Variants in PRKN observed in about 807,000 individuals in gnomAD.
PRKN encodes the protein parkin RBR E3 ubiquitin protein ligase.
In PRKN, 56 loss-of-function variants were observed where a neutral mutation model predicts 59.5. The ratio of observed to expected loss-of-function variants is 0.94; its 90% CI spans 0.76 to 1.18. The LOEUF is 1.18. PRKN is among the 50% of genes most tolerant of loss of function. The pLI is 0.00. For synonymous variants in PRKN, 250 were observed against 222.1 expected, an observed-to-expected ratio of 1.13 and a Z score of -1.12; for missense variants, 657 against 596.4, an observed-to-expected ratio of 1.10 and a Z score of -1.06.
intron 1 of PRKN, among the ~76,000 whole-genome samples, chr6:162,710,848 A>G (rs549489160): frequency 2.6e-5 from 4 of 152,210 alleles, no homozygotes; most frequent in Non-Finnish European, 4.4e-5. Context: ...TTTCAGGTGA[A>G]TCTCCCTAAA....
chr6:161,631,823 T>C (rs145651670), intron 7 of PRKN, among the ~76,000 whole-genome samples: 1 of 152,052 alleles, frequency 6.6e-6, no homozygotes, highest in Non-Finnish European at 1.5e-5. Flanking sequence ...TCAGGGCTTT[T>C]TATTCATTGG....
At chr6:161,987,122 A>G (rs188484039) in intron 5 of PRKN, among the ~76,000 whole-genome samples, 9 of 152,378 alleles carry the variant, frequency 5.9e-5, no homozygotes, top group Admixed American at 3.3e-4. Context: ...GGGCAAAGGC[A>G]AGTGCTTAAC....
At chr6:162,429,061 T>C (rs1204479995) in intron 2 of PRKN, among the ~76,000 whole-genome samples, 1 of 152,232 alleles carries the variant, frequency 6.6e-6, no homozygotes, top group African/African-American at 2.4e-5. Context: ...TTACCATTTT[T>C]ATTGCTTTAC....
In PRKN at chr6:161,943,899, T is replaced by A. The variant is rs73024576; in HGVS notation, c.734+29403A>T. ...GCAGCCTGAGGGATTGGCCTGAGGA[T>A]GCAGCCTGAGGGATCAGCCTTGAGG... On this transcript the variant is annotated intron_variant, in intron 6 of 11. Coordinates refer to ENST00000366898, the MANE Select transcript of PRKN (RefSeq NM_004562.3). Among the ~76,000 whole-genome samples the A allele has an allele frequency of 1.7e-4, 22 of 126,368 alleles. 1 individual carries two copies. Among genetic ancestry groups the A allele is most frequent in the South Asian group, 1.0e-3 (4 of 3,886 alleles). The allele number at this position is 126,368 out of a possible 152,430, so 82.9% of individuals were successfully genotyped here.
At chr6:161,985,765 T>C (rs56000213) in intron 5 of PRKN, among the ~76,000 whole-genome samples, 13,586 of 152,178 alleles carry the variant, frequency 0.089, 709 homozygotes, top group African/African-American at 0.13. Flanking sequence ...CTTGCCTCAC[T>C]GCCTCCCACC....
chr6:162,608,823 T>A (rs1303849171), intron 1 of PRKN, among the ~76,000 whole-genome samples: 3 of 151,982 alleles, frequency 2.0e-5, no homozygotes, highest in African/African-American at 7.3e-5. Context: ...AAAACATGTG[T>A]GGGTGGTCAG....
chr6:161,531,617 G>A (rs1179953205), intron 9 of PRKN, among the ~76,000 whole-genome samples: 3 of 152,148 alleles, frequency 2.0e-5, no homozygotes, highest in Admixed American at 6.5e-5. Context: ...TCTTTAGGGG[G>A]CTTGTACGTG....
intron 2 of PRKN, among the ~76,000 whole-genome samples, chr6:162,286,526 G>A (rs1222412233): frequency 6.6e-6 from 1 of 152,070 alleles, no homozygotes; most frequent in Non-Finnish European, 1.5e-5. Flanking sequence ...TTATCATGTG[G>A]GATTAGCATA....
At chr6:162,183,113 A>G (rs1229098450) in intron 4 of PRKN, among the ~76,000 whole-genome samples, 1 of 152,210 alleles carries the variant, frequency 6.6e-6, no homozygotes, top group African/African-American at 2.4e-5. Context: ...TCTCAAGCAG[A>G]TAAATTCCTG....
chr6:162,700,940 C>T (rs527518644), intron 1 of PRKN, among the ~76,000 whole-genome samples: 1 of 152,092 alleles, frequency 6.6e-6, no homozygotes, highest in East Asian at 1.9e-4. Context: ...ACATACTTTG[C>T]TATTAATTAA....
chr6:162,122,789 G>A (rs1316049545), intron 4 of PRKN, among the ~76,000 whole-genome samples: 1 of 151,258 alleles, frequency 6.6e-6, no homozygotes, highest in African/African-American at 2.4e-5. Flanking sequence ...TTATATATGC[G>A]CTGACCCAGC....
chr6:162,541,629 G>A (rs1562369203), intron 1 of PRKN, among the ~76,000 whole-genome samples: 1 of 152,130 alleles, frequency 6.6e-6, no homozygotes. Context: ...AGCTGAGAGT[G>A]GCCCAAAGAG....
intron 6 of PRKN, among the ~76,000 whole-genome samples, chr6:161,944,326 AG>A (rs1779703373): frequency 6.6e-6 from 1 of 152,216 alleles, no homozygotes; most frequent in South Asian, 2.1e-4. Context: ...GAGGGTTTCC[AG>A]GATACCCTGT....
At chr6:161,753,891 A>G (rs1788800309) in intron 7 of PRKN, among the ~76,000 whole-genome samples, 1 of 152,134 alleles carries the variant, frequency 6.6e-6, no homozygotes, top group Non-Finnish European at 1.5e-5. Flanking sequence ...CCATGGAGTA[A>G]GGGAGGGAGA....
Position 161,548,871 on chromosome 6 carries a change from T to G in PRKN, c.1066A>C (p.Asn356His). ...GTACTCACCCCACAGCCCAGGCCAT[T>G]GCCCCCTTCGCAGGTGACTTTCCTC... ...DQRKVTCEGG[N>H]GLGCGFAFCR... The change falls in exon 9 of 12, where the codon AAT becomes CAT. Residue 356 changes from asparagine to histidine, a missense_variant. Physicochemically the swap from Asn to His is moderately conservative, Grantham distance 68. Transcript: ENST00000366898. The surrounding 1 kb of genome is among the most constrained non-coding windows in gnomAD (Gnocchi z 4.2). The G allele has an allele frequency of 1.2e-6, 2 of 1,614,128 alleles. No individual in the cohort carries two copies. The highest frequency in any genetic ancestry group is 2.2e-5 in the South Asian group (2 of 91,074).
At chr6:162,051,315 G>A (rs1359163029) in intron 5 of PRKN, among the ~76,000 whole-genome samples, 1 of 152,074 alleles carries the variant, frequency 6.6e-6, no homozygotes, top group African/African-American at 2.4e-5. Flanking sequence ...TAAGCATCCC[G>A]AATGCTCACA....
intron 3 of PRKN, among the ~76,000 whole-genome samples, chr6:162,229,177 T>G (rs1003281316): frequency 1.3e-5 from 2 of 152,208 alleles, no homozygotes; most frequent in African/African-American, 4.8e-5. Flanking sequence ...TAAATTACTA[T>G]GCCCAAATTA....
At chr6:161,662,223 G>A (rs2128165896) in intron 7 of PRKN, among the ~76,000 whole-genome samples, 1 of 152,224 alleles carries the variant, frequency 6.6e-6, no homozygotes, top group South Asian at 2.1e-4. Context: ...GGTTCTAAGA[G>A]GAATGTGCTA....
chr6:162,374,429 A>G (rs1785941390), intron 2 of PRKN, among the ~76,000 whole-genome samples: 1 of 150,404 alleles, frequency 6.6e-6, no homozygotes, highest in Admixed American at 6.6e-5. Context: ...TTTATGTGAT[A>G]TTTAGTATGA....
Sources: gnomAD v4.1 joint callset for allele counts (sites outside exome capture counted in the v4.1 genomes callset) on GRCh38, gnomAD v4.1.1 for gene constraint, Gnocchi (gnomAD v3.1) non-coding constraint, MANE v1.5 for transcripts, NCBI Gene and HGNC (gene_info 2026-07-23, HGNC 2026-07-21) for gene names.